Variants in FHL3 observed in about 807,000 individuals in gnomAD.
FHL3 encodes the protein four and a half LIM domains 3, also known as four and a half LIM domains protein 3.
A neutral mutation model predicts 34.3 loss-of-function variants in FHL3; 21 were observed. The ratio of observed to expected loss-of-function variants is 0.61; its 90% CI spans 0.43 to 0.88. The LOEUF (loss-of-function observed/expected upper bound fraction) is 0.88, where lower values mean the gene tolerates loss of function less well. Among genes scored for constraint, FHL3 ranks in the 40% least tolerant of loss-of-function variants. FHL3 has a pLI of 0.00. For missense variants in FHL3, 333 were observed against 373.7 expected (o/e 0.89, Z 0.90); for synonymous variants, 137 against 144.6 (o/e 0.95, Z 0.38).
chr1:37,998,811 C>T, intron 3 of FHL3, 163 bp downstream of exon 3: 1 of 686,400 alleles, frequency 1.5e-6, no homozygotes. Flanking sequence ...TAGTAGCCCC[C>T]AGGAGTATAC....
rs755193773 is a variant in FHL3, at chr1:37,997,807, T to A, written c.565A>T (p.Thr189Ser). 6 of 1,614,100 alleles carry A rather than the reference T, an allele frequency of 3.7e-6. No homozygotes were observed. In the South Asian group the frequency reaches 5.5e-5, roughly 15 times the overall value. The change falls in exon 5 of 6, where the codon ACC becomes TCC. Residue 189 changes from threonine to serine, a missense_variant. Transcript: ENST00000373016. The surrounding 1 kb of genome is among the most constrained non-coding windows in gnomAD (Gnocchi z 4.3). ...CCTGCCAGGGGCGTCTGGCATCCGG[T>A]ACAGACCAGACATTCTCGATGCCAC... ...QPWHRECLVC[T>S]GCQTPLAGQQ... is the part of the protein sequence containing the mutation.
intron 1 of FHL3, among the ~76,000 whole-genome samples, chr1:38,001,899 A>G (rs2148731623): frequency 6.6e-6 from 1 of 152,290 alleles, no homozygotes; most frequent in Admixed American, 6.5e-5. Flanking sequence ...CTGTTTTCCC[A>G]TCTAATTAAA....
At chr1:38,003,268 G>T (rs1012495879) in intron 1 of FHL3, among the ~76,000 whole-genome samples, 2 of 152,248 alleles carry the variant, frequency 1.3e-5, no homozygotes, top group Non-Finnish European at 2.9e-5. Flanking sequence ...TGCCCAGCTA[G>T]GTTTTTCTAT....
In FHL3 at chr1:37,998,209, TCTCCA is replaced by T. The variant is rs1570481692; in HGVS notation, c.332-82_332-78del. On this transcript the variant is annotated intron_variant, in intron 3 of 5. Coordinates refer to ENST00000373016, the MANE Select transcript of FHL3 (RefSeq NM_004468.5). ...CCACCCTCTGTAACTTCCCCAGGAG[TCTCCA>T]CTCCTCTCTCAGCGTGAGCAGGGTG... 3.1e-6 allele frequency: 4 copies of T among 1,290,842 alleles called. No individual in the cohort carries two copies. The East Asian group carries it at 9.3e-5, about 30-fold the overall frequency. The allele number at this position is 1,290,842 out of a possible 1,614,324, so 80.0% of individuals were successfully genotyped here.
At chr1:38,003,519 T>A (rs7555822) in intron 1 of FHL3, among the ~76,000 whole-genome samples, 6,386 of 152,226 alleles carry the variant, frequency 0.042, 415 homozygotes, top group African/African-American at 0.15. Flanking sequence ...TTCAGTCCGG[T>A]CAGCCTGACT....
rs1331990716 is a variant in FHL3 at position 38,005,378 on chromosome 1, G to A, written c.-42C>T. On this transcript the variant is annotated 5_prime_UTR_variant, in exon 1 of 6. Coordinates refer to ENST00000373016, the MANE Select transcript of FHL3 (RefSeq NM_004468.5). The stretch of plus-strand genomic sequence containing the variant: ...TCACCTCGAAGCGGGCGGCGGGAGC[G>A]GGGAGCGCGCGGCGCAGGCGGGGCC... The A allele has an allele frequency of 1.3e-5, 2 of 149,382 alleles. No homozygotes were observed. Among genetic ancestry groups the A allele is most frequent in the South Asian group, 2.0e-4 (1 of 4,928 alleles). The allele number at this position is 149,382 out of a possible 1,614,324, so 9.3% of individuals were successfully genotyped here. A position where few individuals can be genotyped will look rare whatever the true frequency, so the allele number is the denominator to read the frequency against.
chr1:38,000,845 A>C (rs1296920102), intron 1 of FHL3, among the ~76,000 whole-genome samples: 1 of 152,082 alleles, frequency 6.6e-6, no homozygotes, highest in African/African-American at 2.4e-5. Context: ...CATAGGAAGG[A>C]GATGTTCTCA....
In FHL3 at chr1:37,997,783, C is replaced by T. The variant is rs370858698; in HGVS notation, c.589G>A (p.Gly197Arg). ...VCTGCQTPLA[G>R]QQFTSRDEDP... ...TCATCCCGGGAGGTGAACTGCTGCC[C>T]TGCCAGGGGCGTCTGGCATCCGGTA... Residue 197 changes from glycine (G) to arginine (R), a missense_variant, in exon 5 of 6, where the codon GGG (glycine) becomes AGG (arginine). Gly to Arg is a moderately radical substitution (Grantham distance 125). Transcript: ENST00000373016. The surrounding 1 kb of genome is among the most constrained non-coding windows in gnomAD (Gnocchi z 4.3). The T allele has an allele frequency of 2.7e-5, 43 of 1,614,048 alleles. No homozygotes were observed. Among genetic ancestry groups the T allele is most frequent in the Non-Finnish European group, 3.4e-5 (40 of 1,180,024 alleles).
rs1301308873 is a variant in FHL3, at chr1:37,997,290, C to T, written c.*115G>A. Reference sequence around the variant, plus strand: ...TGGAGTGGGGAGACAATCCTGGAGCCCAGAAGGAGACCCATTTTTTTTGGC... The same window carrying T: ...TGGAGTGGGGAGACAATCCTGGAGCTCAGAAGGAGACCCATTTTTTTTGGC... On this transcript the variant is annotated 3_prime_UTR_variant, in exon 6 of 6. Coordinates refer to ENST00000373016, the MANE Select transcript of FHL3 (RefSeq NM_004468.5). The surrounding 1 kb of genome is among the most constrained non-coding windows in gnomAD (Gnocchi z 4.3). 3.6e-6 allele frequency: 4 copies of T among 1,124,154 alleles called. No individual in the cohort carries two copies. The highest frequency in any genetic ancestry group is 5.1e-6 in the Non-Finnish European group (4 of 785,752). The allele number at this position is 1,124,154 out of a possible 1,614,324, so 69.6% of individuals were successfully genotyped here.
chr1:37,997,069 C>T lies in FHL3; in HGVS notation c.*336G>A, dbSNP rs1049249453. 5 of 235,322 alleles carry T rather than the reference C, an allele frequency of 2.1e-5. No homozygotes were observed. The highest frequency in any genetic ancestry group is 6.8e-5 in the African/African-American group (3 of 43,836). 14.6% of individuals were successfully genotyped at this position (235,322 alleles called of 1,614,324 possible). On this transcript the variant is annotated 3_prime_UTR_variant, in exon 6 of 6. Coordinates refer to ENST00000373016, the MANE Select transcript of FHL3 (RefSeq NM_004468.5). The surrounding 1 kb of genome is among the most constrained non-coding windows in gnomAD (Gnocchi z 4.3). The stretch of plus-strand genomic sequence containing the variant: ...AAGAGAAGTCTAGATTTAAGGGGGC[C>T]TAAGTCCCAGAGTCCAGGTTTGGAG...
chr1:38,000,660 G>C (rs891120556), intron 1 of FHL3, among the ~76,000 whole-genome samples: 1 of 152,132 alleles, frequency 6.6e-6, no homozygotes, highest in African/African-American at 2.4e-5. Flanking sequence ...GCTGCCTCTG[G>C]AACAGGAGCC....
At position 37,997,792 on chromosome 1, in the gene FHL3, G is replaced by A. The variant is rs1467277401; in HGVS notation, c.580C>T (p.Pro194Ser). 2 of 1,614,176 alleles carry A rather than the reference G, an allele frequency of 1.2e-6. No homozygotes were observed. The highest frequency in any genetic ancestry group is 2.2e-5 in the South Asian group (2 of 91,092). The change falls in exon 5 of 6, where the codon CCC (proline) becomes TCC (serine). Residue 194 changes from proline to serine, a missense_variant. Pro to Ser is a moderately conservative substitution (Grantham distance 74, BLOSUM62 -1). Transcript: ENST00000373016. This position sits in a 1 kb window ranked among gnomAD's most constrained non-coding sequence, Gnocchi z 4.3. ...GAGGTGAACTGCTGCCCTGCCAGGG[G>A]CGTCTGGCATCCGGTACAGACCAGA... ...ECLVCTGCQTPLAGQQFTSRD... is the reference protein window; with the variant it reads ...ECLVCTGCQTSLAGQQFTSRD...
At chr1:37,998,898 C>A in intron 3 of FHL3, 76 bp downstream of exon 3, 1 of 1,469,918 alleles carries the variant, frequency 6.8e-7, no homozygotes. Context: ...ACCAAGTCTC[C>A]ATGTATCAGA....
Position 38,000,608 on chromosome 1 carries a change from C to G in FHL3, c.-20-1176G>C, listed in dbSNP as rs1004742907. On this transcript the variant is annotated intron_variant, in intron 1 of 5. Coordinates refer to ENST00000373016, the MANE Select transcript of FHL3 (RefSeq NM_004468.5). ...CCAAACCTCAGACACTTTCCATTTT[C>G]TCAGGAACAAAGCATGTTTGTGGGA... Among the ~76,000 whole-genome samples the G allele has an allele frequency of 2.0e-5, 3 of 152,290 alleles. No individual in the cohort carries two copies. In the South Asian group the frequency reaches 6.2e-4, roughly 32 times the overall value.
chr1:37,999,531 G>C, intron 1 of FHL3, 99 bp from the exon 2 acceptor site: 2 of 1,171,362 alleles, frequency 1.7e-6, no homozygotes, highest in Admixed American at 2.3e-5. Context: ...CAAGAGACCC[G>C]GCATAGGAAA....
rs376577989 is a variant in FHL3 at position 37,997,458 on chromosome 1, C to T, written c.790G>A (p.Val264Ile). 39 of 1,613,936 alleles carry T rather than the reference C, an allele frequency of 2.4e-5. No homozygotes were observed. The highest frequency in any genetic ancestry group is 1.6e-4 in the Middle Eastern group (1 of 6,080). Residue 264 changes from valine to isoleucine, a missense_variant, in exon 6 of 6, where the codon GTA becomes ATA. Coordinates refer to ENST00000373016, the MANE Select transcript of FHL3 (RefSeq NM_004468.5). This position sits in a 1 kb window ranked among gnomAD's most constrained non-coding sequence, Gnocchi z 4.3. ...CAGAGCACTTGGTCTCCATCCGGTACGAAGCCCTGGCCCACCAGGGAGGTA... is the reference window on the plus strand; with the variant it reads ...CAGAGCACTTGGTCTCCATCCGGTATGAAGCCCTGGCCCACCAGGGAGGTA... ...CSTSLVGQGF[V>I]PDGDQVLCQG...
chr1:37,998,335 C>T (rs1338038325), intron 3 of FHL3, among the ~76,000 whole-genome samples: 1 of 152,108 alleles, frequency 6.6e-6, no homozygotes, highest in East Asian at 1.9e-4. Flanking sequence ...CAGCTAGACA[C>T]GAGGGTTTTG....
intron 1 of FHL3, among the ~76,000 whole-genome samples, chr1:37,999,641 AG>A (rs113777264): frequency 1.3e-5 from 2 of 152,214 alleles, no homozygotes; most frequent in African/African-American, 2.4e-5. Flanking sequence ...GGAAGAGGTC[AG>A]GAAAAAAACC....
intron 3 of FHL3, 77 bp from the exon 4 acceptor site, chr1:37,998,209 T>C (rs770280329): frequency 8.5e-5 from 110 of 1,290,724 alleles, no homozygotes; most frequent in Non-Finnish European, 1.1e-4. Flanking sequence ...TCCCCAGGAG[T>C]CTCCACTCCT....
Sources: gnomAD v4.1 joint callset for allele counts (sites outside exome capture counted in the v4.1 genomes callset) on GRCh38, gnomAD v4.1.1 for gene constraint, Gnocchi (gnomAD v3.1) non-coding constraint, MANE v1.5 for transcripts, NCBI Gene and HGNC (gene_info 2026-07-23, HGNC 2026-07-21) for gene names.